PGLYRP4: variants seen among roughly 807,000 people sequenced by gnomAD.
PGLYRP4 encodes the protein peptidoglycan recognition protein 4.
A neutral mutation model predicts 41.2 loss-of-function variants in PGLYRP4; 39 were observed. That is an observed-to-expected ratio of 0.95 (90% confidence interval 0.73 to 1.24). PGLYRP4 has a LOEUF of 1.24. PGLYRP4 is among the 50% of genes most tolerant of loss of function. PGLYRP4 has a pLI of 0.00. For missense variants in PGLYRP4, 467 were observed against 460.7 expected (o/e 1.01, Z -0.13); for synonymous variants, 202 against 186.8 (o/e 1.08, Z -0.66).
rs953362109 is a variant in PGLYRP4, at chr1:153,346,119, G to C, written c.122C>G (p.Ser41Cys). ...CAGTTTACCTTTTTCAGTGAGCTGG[G>C]AGATGTTCTCAAATAGGTACTGGAG... ...EGLQYLFENI[S>C]QLTEKGLPTD... Residue 41 changes from serine (S) to cysteine (C), a missense_variant, in exon 3 of 9, where the codon TCC becomes TGC. By Grantham distance (112) the Ser-to-Cys change is moderately radical. Coordinates refer to ENST00000359650, the MANE Select transcript of PGLYRP4 (RefSeq NM_020393.4). 2 of 1,613,056 alleles carry C rather than the reference G, an allele frequency of 1.2e-6. No individual in the cohort carries two copies. The highest frequency in any genetic ancestry group is 1.3e-5 in the African/African-American group (1 of 75,008).
chr1:153,334,912 C>T (rs931600467), intron 8 of PGLYRP4, among the ~76,000 whole-genome samples: 1 of 152,088 alleles, frequency 6.6e-6, no homozygotes, highest in African/African-American at 2.4e-5. Flanking sequence ...TAGCTACACA[C>T]AACTGATCTT....
In PGLYRP4 at chr1:153,346,101, C is replaced by A; in HGVS notation, c.139+1G>T. 1 of 1,608,378 alleles carries A rather than the reference C, an allele frequency of 6.2e-7. No homozygotes were observed. Among genetic ancestry groups the A allele is most frequent in the Non-Finnish European group, 8.5e-7 (1 of 1,174,754 alleles). ...CCCCTTACTATCCAGATCCAGTTTACCTTTTTCAGTGAGCTGGGAGATGTT... is the reference window on the plus strand; with the variant it reads ...CCCCTTACTATCCAGATCCAGTTTAACTTTTTCAGTGAGCTGGGAGATGTT... On this transcript the variant is annotated splice_donor_variant, in intron 3 of 8. Coordinates refer to ENST00000359650, the MANE Select transcript of PGLYRP4 (RefSeq NM_020393.4). LOFTEE classifies it high-confidence loss of function.
At chr1:153,344,906 G>A (rs1660937453) in intron 4 of PGLYRP4, 2 of 441,502 alleles carry the variant, frequency 4.5e-6, no homozygotes, top group South Asian at 4.8e-5. Context: ...GTAGTGTGCT[G>A]TGCAAGCCAG....
At chr1:153,343,371 A>C (rs1291742996) in intron 4 of PGLYRP4, among the ~76,000 whole-genome samples, 163 bp from the exon 5 acceptor site, 4 of 152,214 alleles carry the variant, frequency 2.6e-5, no homozygotes, top group African/African-American at 9.7e-5. Context: ...AGTCATTTAT[A>C]CTAGTCCTTA....
chr1:153,337,730 C>G (rs576513213), intron 7 of PGLYRP4, among the ~76,000 whole-genome samples: 1 of 152,138 alleles, frequency 6.6e-6, no homozygotes, highest in Non-Finnish European at 1.5e-5. Context: ...GCTTTCAATC[C>G]CTAGGCCTTT....
At position 153,343,102 on chromosome 1, in the gene PGLYRP4, CAAA is replaced by C; in HGVS notation, c.457_459del (p.Phe153del). On this transcript the variant is annotated inframe_deletion, in exon 5 of 9. Transcript: ENST00000359650. ...TGATAACTGTTACCTTTCTTAGTGCCAAAGAAGGCAAAGCCCAGGGAGATGTTG... is the reference window on the plus strand; with the variant it reads ...TGATAACTGTTACCTTTCTTAGTGCCGAAGGCAAAGCCCAGGGAGATGTTG... The C allele has an allele frequency of 1.2e-6, 2 of 1,604,772 alleles. No individual in the cohort carries two copies. The highest frequency in any genetic ancestry group is 1.7e-6 in the Non-Finnish European group (2 of 1,171,670).
At chr1:153,345,438 C>T (rs1660968213) in intron 3 of PGLYRP4, 56 bp from the exon 4 acceptor site, 2 of 1,506,598 alleles carry the variant, frequency 1.3e-6, no homozygotes, top group Admixed American at 3.4e-5. Context: ...GCCCGCCAAG[C>T]TGAACATGCA....
chr1:153,347,826 A>G, intron 2 of PGLYRP4, 58 bp downstream of exon 2: 1 of 1,302,644 alleles, frequency 7.7e-7, no homozygotes, highest in African/African-American at 1.4e-5. Flanking sequence ...AATTCCTATT[A>G]TGAGACTTTA....
chr1:153,336,429 G>A (rs1178269826), intron 8 of PGLYRP4, among the ~76,000 whole-genome samples: 1 of 144,446 alleles, frequency 6.9e-6, no homozygotes, highest in Non-Finnish European at 1.5e-5. Flanking sequence ...GTCTTTTACA[G>A]CAACATAAGT....
intron 8 of PGLYRP4, 79 bp downstream of exon 8, chr1:153,337,102 A>G: frequency 9.4e-7 from 1 of 1,060,746 alleles, no homozygotes; most frequent in Non-Finnish European, 1.5e-6. Context: ...GACGCTTGAG[A>G]CTGAGACTTT....
chr1:153,347,770 T>G, intron 2 of PGLYRP4, 114 bp downstream of exon 2: 1 of 768,326 alleles, frequency 1.3e-6, no homozygotes, highest in East Asian at 2.7e-5. Flanking sequence ...CTCGGCTCAC[T>G]GCAGCCTTGA....
In PGLYRP4 at chr1:153,330,660, G is replaced by T; in HGVS notation, c.*107C>A. On this transcript the variant is annotated 3_prime_UTR_variant, in exon 9 of 9. Coordinates refer to ENST00000359650, the MANE Select transcript of PGLYRP4 (RefSeq NM_020393.4). ...AACCTGAAAAAGGAGGCACAGGACT[G>T]TGTGGCAGGGGAGGAGGGCAAAAGG... 1.1e-6 allele frequency: 1 copy of T among 882,646 alleles called. No individual in the cohort carries two copies. Among genetic ancestry groups the T allele is most frequent in the Non-Finnish European group, 1.8e-6 (1 of 550,462 alleles). The allele number at this position is 882,646 out of a possible 1,614,324, so 54.7% of individuals were successfully genotyped here.
At chr1:153,342,758 A>T (rs997743642) in intron 5 of PGLYRP4, among the ~76,000 whole-genome samples, 1 of 152,226 alleles carries the variant, frequency 6.6e-6, no homozygotes, top group African/African-American at 2.4e-5. Flanking sequence ...CTCAAGAGGA[A>T]GATGTGTTAG....
At chr1:153,344,193 TCA>T (rs1660911073) in intron 4 of PGLYRP4, among the ~76,000 whole-genome samples, 1 of 152,230 alleles carries the variant, frequency 6.6e-6, no homozygotes, top group Non-Finnish European at 1.5e-5. Flanking sequence ...AAAGCCTCTC[TCA>T]GTTTTGTTTT....
At chr1:153,348,333 T>C (rs979200196) in intron 1 of PGLYRP4, among the ~76,000 whole-genome samples, 195 bp downstream of exon 1, 5 of 152,122 alleles carry the variant, frequency 3.3e-5, no homozygotes, top group African/African-American at 1.2e-4. Context: ...AACCGAGAAA[T>C]CCAGACTCAT....
At chr1:153,331,077 A>T (rs1156304339) in intron 8 of PGLYRP4, 132 bp from the exon 9 acceptor site, 2 of 624,086 alleles carry the variant, frequency 3.2e-6, no homozygotes, top group Non-Finnish European at 5.2e-6. Context: ...GACAGGCAAA[A>T]AAAACAAGGT....
Position 153,341,635 on chromosome 1 carries a change from A to AGTAG in PGLYRP4, c.616_617insCTAC (p.Leu206ProfsTer46). The AGTAG allele has an allele frequency of 6.2e-7, 1 of 1,612,044 alleles. No homozygotes were observed. The highest frequency in any genetic ancestry group is 8.5e-7 in the Non-Finnish European group (1 of 1,179,490). The stretch of plus-strand genomic sequence containing the variant: ...CTGAAGAAAGGTCTTACCCTTCTTC[A>AGTAG]GGCTTGTCTTCTGCCGAGGGGCCAG... On this transcript the variant is annotated frameshift_variant, in exon 6 of 9. Transcript: ENST00000359650. LOFTEE classifies it high-confidence loss of function.
intron 4 of PGLYRP4, 74 bp from the exon 5 acceptor site, chr1:153,343,282 G>C (rs896331086): frequency 4.9e-5 from 46 of 948,284 alleles, no homozygotes; most frequent in Non-Finnish European, 7.1e-5. Flanking sequence ...CACTTACCCA[G>C]CCTCAAAATG....
intron 8 of PGLYRP4, among the ~76,000 whole-genome samples, chr1:153,331,896 A>C (rs1016769798): frequency 6.6e-6 from 1 of 152,252 alleles, no homozygotes; most frequent in Admixed American, 6.5e-5. Flanking sequence ...CTTATAAAGC[A>C]ATTACTCAAT....
Sources: gnomAD v4.1 joint callset for allele counts (sites outside exome capture counted in the v4.1 genomes callset) on GRCh38, gnomAD v4.1.1 for gene constraint, MANE v1.5 for transcripts, NCBI Gene and HGNC (gene_info 2026-07-23, HGNC 2026-07-21) for gene names.